The following TBL1XR1 variants were observed in gnomAD, a reference collection of about 807,000 sequenced individuals.
TBL1XR1 encodes the protein TBL1X/Y related 1, also known as F-box-like/WD repeat-containing protein TBL1XR1.
A neutral mutation model predicts 66.9 loss-of-function variants in TBL1XR1; 5 were observed. The ratio of observed to expected loss-of-function variants is 0.07; its 90% CI spans 0.04 to 0.16. The LOEUF (loss-of-function observed/expected upper bound fraction) is 0.16. Ranked by LOEUF, TBL1XR1 falls within the 10% of genes least tolerant of loss-of-function variation. The pLI is 1.00. For missense variants in TBL1XR1, 238 were observed against 623.2 expected (o/e 0.38, Z 6.58); for synonymous variants, 210 against 206.0 (o/e 1.02, Z -0.17).
chr3:177,044,940 A>G (rs1381867791), intron 10 of TBL1XR1: 2 of 152,180 alleles, frequency 1.3e-5, no homozygotes, highest in African/African-American at 4.8e-5. Flanking sequence ...GAAGCCTGAG[A>G]GAATTCTGAA....
At chr3:177,037,954 A>G in intron 12 of TBL1XR1, 144 bp downstream of exon 12, 1 of 628,454 alleles carries the variant, frequency 1.6e-6, no homozygotes, top group Non-Finnish European at 2.7e-6. Flanking sequence ...TTTAAAAAAC[A>G]ATGGTTAGCC....
At chr3:177,046,259 C>G in intron 9 of TBL1XR1, 70 bp from the exon 10 acceptor site, 2 of 1,116,634 alleles carry the variant, frequency 1.8e-6, no homozygotes, top group Non-Finnish European at 2.5e-6. Context: ...AAGTATATGC[C>G]TAACTGTATT....
At chr3:177,136,398 C>T (rs1729002721) in intron 1 of TBL1XR1, among the ~76,000 whole-genome samples, 1 of 152,086 alleles carries the variant, frequency 6.6e-6, no homozygotes, top group Admixed American at 6.5e-5. Flanking sequence ...CTCAGCCTCC[C>T]AAGTAGCCTC....
chr3:177,124,614 A>C (rs1324527092), intron 1 of TBL1XR1, among the ~76,000 whole-genome samples: 1 of 152,134 alleles, frequency 6.6e-6, no homozygotes, highest in East Asian at 1.9e-4. Flanking sequence ...ATTCTCATTT[A>C]AAAAATGTGT....
intron 1 of TBL1XR1, among the ~76,000 whole-genome samples, chr3:177,182,877 A>G (rs1305498834): frequency 6.6e-6 from 1 of 152,220 alleles, no homozygotes; most frequent in Non-Finnish European, 1.5e-5. Context: ...CTAATGGGAT[A>G]TAAGAAACTT....
At chr3:177,046,031 T>G (rs957628755) in intron 10 of TBL1XR1, 98 bp downstream of exon 10, 1 of 943,186 alleles carries the variant, frequency 1.1e-6, no homozygotes, top group Admixed American at 2.9e-5. Context: ...GACTGATACT[T>G]GATATTTCAA....
chr3:177,185,093 GT>G (rs1216017084), intron 1 of TBL1XR1, among the ~76,000 whole-genome samples: 1 of 151,742 alleles, frequency 6.6e-6, no homozygotes, highest in Non-Finnish European at 1.5e-5. Context: ...TTTCAAAATG[GT>G]AATAAGAACA....
chr3:177,099,092 C>T (rs991582122), intron 1 of TBL1XR1, among the ~76,000 whole-genome samples: 3 of 152,130 alleles, frequency 2.0e-5, no homozygotes, highest in Non-Finnish European at 2.9e-5. Context: ...TGCAGCCAGG[C>T]GCGGTGGCTC....
intron 1 of TBL1XR1, among the ~76,000 whole-genome samples, chr3:177,187,943 C>CTTTTTTTTTTTTTTTTTTT (rs571361204): frequency 1.3e-5 from 1 of 77,838 alleles, no homozygotes; most frequent in African/African-American, 6.6e-5. Context: ...GTACAATTTC[C>CTTTTTTTTTTTTTTTTTTT]TTTTTTTTTT....
intron 2 of TBL1XR1, among the ~76,000 whole-genome samples, chr3:177,065,229 T>A (rs911608888): frequency 6.6e-6 from 1 of 152,152 alleles, no homozygotes; most frequent in East Asian, 1.9e-4. Flanking sequence ...TTCTTCAAAG[T>A]AACATACTGG....
chr3:177,057,823 A>T (rs1295980339), intron 3 of TBL1XR1, among the ~76,000 whole-genome samples: 1 of 152,190 alleles, frequency 6.6e-6, no homozygotes, highest in Non-Finnish European at 1.5e-5. Flanking sequence ...ATTGAGACTC[A>T]GGGAGAAGAG....
intron 1 of TBL1XR1, chr3:177,195,602 G>A (rs1020938908): frequency 6.6e-6 from 1 of 151,474 alleles, no homozygotes; most frequent in Non-Finnish European, 1.5e-5. Context: ...TTTATTCCAA[G>A]TTATTTCAGG....
At chr3:177,185,669 G>A (rs565206669) in intron 1 of TBL1XR1, among the ~76,000 whole-genome samples, 1 of 151,320 alleles carries the variant, frequency 6.6e-6, no homozygotes, top group African/African-American at 2.4e-5. Context: ...CTTTGAGAAG[G>A]TCCCTTATTA....
chr3:177,069,801 G>GAAAGGAAGGAAAGGAAGGA (rs11384858), intron 2 of TBL1XR1, among the ~76,000 whole-genome samples: 30 of 69,072 alleles, frequency 4.3e-4, no homozygotes, highest in African/African-American at 1.6e-3. Flanking sequence ...GGAAAGGAAG[G>GAAAGGAAGGAAAGGAAGGA]AAGGAAGGAA....
chr3:177,134,971 G>GTGTGTGTC (rs1553852563), intron 1 of TBL1XR1, among the ~76,000 whole-genome samples: 38 of 146,162 alleles, frequency 2.6e-4, no homozygotes, highest in African/African-American at 6.8e-4. Flanking sequence ...GTGTGTCTGT[G>GTGTGTGTC]TGTGTGTCTG....
chr3:177,075,330 T>C (rs574625707), intron 2 of TBL1XR1, among the ~76,000 whole-genome samples: 2 of 152,338 alleles, frequency 1.3e-5, no homozygotes, highest in East Asian at 3.9e-4. Context: ...AATTTCCCTC[T>C]TTTTATAAAA....
At chr3:177,027,984 T>TA (rs1445635821) in intron 14 of TBL1XR1, among the ~76,000 whole-genome samples, 1 of 152,054 alleles carries the variant, frequency 6.6e-6, no homozygotes, top group Non-Finnish European at 1.5e-5. Flanking sequence ...ACTTGGGGGT[T>TA]AAAAAAACAA....
Position 177,020,182 on chromosome 3 carries a change from G to A in TBL1XR1, c.*5316C>T, listed in dbSNP as rs1417353630. On this transcript the variant is annotated 3_prime_UTR_variant, in exon 16 of 16. Transcript: ENST00000457928. ...CAAAAAAAGGTCACCGAGAAGTTGA[G>A]CCTCCTGCCCTAATCTTCAACACAT... 1 of 150,868 alleles carries A rather than the reference G, an allele frequency of 6.6e-6. No individual in the cohort carries two copies. The highest frequency in any genetic ancestry group is 2.0e-4 in the East Asian group (1 of 5,124). The allele number at this position is 150,868 out of a possible 1,614,324, so 9.3% of individuals were successfully genotyped here.
chr3:177,136,441 A>G (rs1729008152), intron 1 of TBL1XR1, among the ~76,000 whole-genome samples: 1 of 152,084 alleles, frequency 6.6e-6, no homozygotes, highest in Non-Finnish European at 1.5e-5. Context: ...CACTACACCC[A>G]GCTAATTTCT....
Sources: allele counts gnomAD v4.1 joint callset (sites outside exome capture counted in the v4.1 genomes callset), GRCh38; gene constraint gnomAD v4.1.1; transcripts MANE v1.5; gene names NCBI Gene and HGNC (gene_info 2026-07-23, HGNC 2026-07-21).